Variants in TMEM132B observed in about 807,000 individuals in gnomAD.
The protein encoded by TMEM132B is transmembrane protein 132B.
In TMEM132B, 18 loss-of-function variants were observed where a neutral mutation model predicts 90.8. That is an observed-to-expected ratio of 0.20 (90% CI 0.14 to 0.29). The LOEUF is 0.29. TMEM132B is among the 10% of genes least tolerant of loss of function. TMEM132B has a pLI of 1.00. For synonymous variants in TMEM132B, 504 were observed against 523.3 expected (o/e 0.96, Z 0.50); for missense variants, 1,096 against 1,326.8 (o/e 0.83, Z 2.70).
intron 1 of TMEM132B, among the ~76,000 whole-genome samples, chr12:125,261,056 G>A (rs1002011496): frequency 1.3e-5 from 2 of 152,106 alleles, no homozygotes; most frequent in African/African-American, 4.8e-5. Flanking sequence ...TGTGCACACT[G>A]GTTGTGTTTA....
intron 3 of TMEM132B, among the ~76,000 whole-genome samples, chr12:125,431,745 A>G (rs531149564): frequency 4.6e-5 from 7 of 152,310 alleles, no homozygotes; most frequent in Admixed American, 2.6e-4. Context: ...GGAGGGGATC[A>G]CAGTGAACAG....
At chr12:125,298,673 C>A (rs868274085) in intron 1 of TMEM132B, among the ~76,000 whole-genome samples, 660 of 104,542 alleles carry the variant, frequency 6.3e-3, no homozygotes, top group African/African-American at 6.7e-3. Context: ...GACTCTGTCT[C>A]AAAAAAAAAA....
intron 1 of TMEM132B, among the ~76,000 whole-genome samples, chr12:125,295,301 A>G (rs779971162): frequency 3.3e-5 from 5 of 152,222 alleles, no homozygotes; most frequent in Non-Finnish European, 7.3e-5. Context: ...TCTTCCAGCC[A>G]GGGATCTATG....
At chr12:125,618,308 T>G (rs1886038008) in intron 5 of TMEM132B, among the ~76,000 whole-genome samples, 1 of 152,152 alleles carries the variant, frequency 6.6e-6, no homozygotes, top group Admixed American at 6.5e-5. Flanking sequence ...GACCTGCAAG[T>G]AGGGCTGGGT....
At chr12:125,606,043 C>T (rs374691884) in intron 5 of TMEM132B, among the ~76,000 whole-genome samples, 88 of 152,126 alleles carry the variant, frequency 5.8e-4, no homozygotes, top group African/African-American at 2.1e-3. Flanking sequence ...ATATGAAAAG[C>T]TGAAGGGAAC....
chr12:125,397,277 T>G (rs1782068851), intron 2 of TMEM132B, among the ~76,000 whole-genome samples: 1 of 152,214 alleles, frequency 6.6e-6, no homozygotes, highest in African/African-American at 2.4e-5. Flanking sequence ...TTCACTGTTC[T>G]ATGTGTCTCT....
chr12:125,596,132 G>A (rs1342026400), intron 5 of TMEM132B, among the ~76,000 whole-genome samples: 1 of 152,114 alleles, frequency 6.6e-6, no homozygotes, highest in African/African-American at 2.4e-5. Context: ...AGTCTCCCAT[G>A]TTCTCCCCAG....
At chr12:125,628,599 G>A (rs1886287904) in intron 5 of TMEM132B, among the ~76,000 whole-genome samples, 1 of 152,088 alleles carries the variant, frequency 6.6e-6, no homozygotes, top group Non-Finnish European at 1.5e-5. Context: ...TCTGTGGGTT[G>A]TCTCTTTACT....
chr12:125,626,622 T>C (rs895210061), intron 5 of TMEM132B, among the ~76,000 whole-genome samples: 2 of 152,170 alleles, frequency 1.3e-5, no homozygotes, highest in African/African-American at 4.8e-5. Flanking sequence ...TGCCATCCTA[T>C]TGTCTTATTG....
At chr12:125,485,225 G>A (rs1450215740) in intron 3 of TMEM132B, among the ~76,000 whole-genome samples, 1 of 152,178 alleles carries the variant, frequency 6.6e-6, no homozygotes, top group Non-Finnish European at 1.5e-5. Context: ...CTGACTAATT[G>A]TGGTTCTATA....
intron 4 of TMEM132B, among the ~76,000 whole-genome samples, chr12:125,524,905 A>G (rs545814936): frequency 5.3e-5 from 8 of 152,312 alleles, no homozygotes; most frequent in African/African-American, 1.9e-4. Context: ...GAGAGCTCCT[A>G]CTGTTTGAGA....
intron 1 of TMEM132B, among the ~76,000 whole-genome samples, chr12:125,211,840 C>T (rs1028419676): frequency 3.9e-5 from 6 of 152,318 alleles, no homozygotes; most frequent in Admixed American, 3.3e-4. Context: ...ACCATCTTGT[C>T]TGGGGAATTG....
chr12:125,308,078 A>ACAAG (rs1306782947), intron 1 of TMEM132B, among the ~76,000 whole-genome samples: 10,127 of 144,464 alleles, frequency 0.07, 496 homozygotes, highest in Non-Finnish European at 0.09. Context: ...CAAGTATATT[A>ACAAG]TAAGTATATA....
At chr12:125,435,019 G>A (rs917123789) in intron 3 of TMEM132B, among the ~76,000 whole-genome samples, 1 of 152,148 alleles carries the variant, frequency 6.6e-6, no homozygotes, top group Non-Finnish European at 1.5e-5. Context: ...TCCCCTTTGT[G>A]GGGGCTCAGG....
intron 5 of TMEM132B, among the ~76,000 whole-genome samples, chr12:125,609,794 G>A (rs548186766): frequency 1.5e-5 from 2 of 129,330 alleles, no homozygotes; most frequent in East Asian, 4.7e-4. Flanking sequence ...TCCAGCCTGG[G>A]CGACAGAGTG....
rs867935662 is a variant in TMEM132B at position 125,485,800 on chromosome 12, T to C, written c.1107-33639T>C. On this transcript the variant is annotated intron_variant, in intron 3 of 8. Coordinates refer to ENST00000682704, the MANE Select transcript of TMEM132B (RefSeq NM_001366854.1). ...AAGTAAATACTCTACACAGCTACCA[T>C]TGGCACCTTGACTTATTCTGCTCAC... Among the ~76,000 whole-genome samples, 123 of 152,334 alleles carry C rather than the reference T, an allele frequency of 8.1e-4. 1 individual carries two copies. The highest frequency in any genetic ancestry group is 2.9e-3 in the African/African-American group (119 of 41,586).
At chr12:125,388,253 C>G (rs1290173843) in intron 2 of TMEM132B, among the ~76,000 whole-genome samples, 2 of 152,036 alleles carry the variant, frequency 1.3e-5, no homozygotes, top group African/African-American at 4.8e-5. Flanking sequence ...CATAGTGAAA[C>G]CCTATCTCTA....
chr12:125,534,371 G>A (rs1883737478), intron 4 of TMEM132B, among the ~76,000 whole-genome samples: 1 of 152,118 alleles, frequency 6.6e-6, no homozygotes, highest in Non-Finnish European at 1.5e-5. Context: ...TTAAAAATTG[G>A]CCATACATGG....
chr12:125,295,515 T>TGTGAGA (rs531489519), intron 1 of TMEM132B, among the ~76,000 whole-genome samples: 8,209 of 142,244 alleles, frequency 0.058, 260 homozygotes, highest in Middle Eastern at 0.078. Context: ...TGTGTGTGTG[T>TGTGAGA]GAGAGAGAGA....
Sources: allele counts gnomAD v4.1 joint callset (sites outside exome capture counted in the v4.1 genomes callset), GRCh38; gene constraint gnomAD v4.1.1; transcripts MANE v1.5; gene names NCBI Gene and HGNC (gene_info 2026-07-23, HGNC 2026-07-21).